PDE4A: variants seen among roughly 807,000 people sequenced by gnomAD.
The protein encoded by PDE4A is 3',5'-cyclic-AMP phosphodiesterase 4A.
Under a neutral mutation model 73.9 loss-of-function variants are expected in PDE4A, and 21 were observed. That is an observed-to-expected ratio of 0.28 (90% confidence interval 0.20 to 0.41). The LOEUF is 0.41. PDE4A is among the 10% of genes least tolerant of loss of function. The pLI is 1.00. For missense variants in PDE4A, 958 were observed against 1,211.4 expected (o/e 0.79, Z 3.10); for synonymous variants, 463 against 505.4 (o/e 0.92, Z 1.13).
Position 10,467,437 on chromosome 19 carries a change from C to A in PDE4A, c.2477C>A (p.Thr826Asn). The A allele has an allele frequency of 6.2e-7, 1 of 1,613,716 alleles. No homozygotes were observed. The highest frequency in any genetic ancestry group is 1.3e-5 in the African/African-American group (1 of 75,044). ...LQSPLLPAWR[T>N]LSVSEHAPGL... Reference sequence around the variant, plus strand: ...AGCCCCCTTCTCCCTGCTTGGAGGACCCTGTCTGTTTCAGAGCATGCCCCG... The same window carrying A: ...AGCCCCCTTCTCCCTGCTTGGAGGAACCTGTCTGTTTCAGAGCATGCCCCG... Residue 826 changes from threonine to asparagine, a missense_variant, in exon 15 of 15, where the codon ACC (threonine) becomes AAC (asparagine). By Grantham distance (65) the Thr-to-Asn change is moderately conservative (BLOSUM62 0). Transcript: ENST00000380702.
chr19:10,444,046 G>A (rs1406198819), intron 1 of PDE4A, among the ~76,000 whole-genome samples: 2 of 151,300 alleles, frequency 1.3e-5, no homozygotes, highest in Non-Finnish European at 2.9e-5. Flanking sequence ...TGTCAAGTAA[G>A]TAGTGGGATT....
intron 1 of PDE4A, among the ~76,000 whole-genome samples, chr19:10,438,183 G>A (rs956949868): frequency 1.3e-5 from 2 of 151,546 alleles, no homozygotes; most frequent in African/African-American, 4.9e-5. Flanking sequence ...CGCAATCTCG[G>A]CTCACTGCAA....
Position 10,467,994 on chromosome 19 carries a change from TC to T in PDE4A, c.*378del, listed in dbSNP as rs1441398879. Reference sequence around the variant, plus strand: ...CACTTCCAAATCCCTCCCCTCACCTTCCCCCACTGCCCCCCAAGTTCCAGGC... The same window carrying T: ...CACTTCCAAATCCCTCCCCTCACCTTCCCCACTGCCCCCCAAGTTCCAGGC... On this transcript the variant is annotated 3_prime_UTR_variant, in exon 15 of 15. Transcript: ENST00000380702. 6.3e-6 allele frequency: 1 copy of T among 159,358 alleles called. No individual in the cohort carries two copies. Among genetic ancestry groups the T allele is most frequent in the Non-Finnish European group, 1.4e-5 (1 of 73,026 alleles). 9.9% of individuals were successfully genotyped at this position (159,358 alleles called of 1,614,324 possible). A position where few individuals can be genotyped will look rare whatever the true frequency, so the allele number is the denominator to read the frequency against.
At chr19:10,423,470 C>T (rs978502117) in intron 1 of PDE4A, among the ~76,000 whole-genome samples, 5 of 152,094 alleles carry the variant, frequency 3.3e-5, no homozygotes, top group Non-Finnish European at 7.4e-5. Flanking sequence ...TAAACCTTTT[C>T]TCTTTCTCAC....
intron 1 of PDE4A, among the ~76,000 whole-genome samples, chr19:10,431,325 C>T (rs2042785663): frequency 6.6e-6 from 1 of 152,230 alleles, no homozygotes; most frequent in African/African-American, 2.4e-5. Context: ...GCTGCGGTCA[C>T]GCTTTGGAGG....
intron 1 of PDE4A, among the ~76,000 whole-genome samples, chr19:10,430,625 G>A (rs111527007): frequency 1.9e-3 from 286 of 152,074 alleles, no homozygotes; most frequent in African/African-American, 6.7e-3. Context: ...GAGCCAACGC[G>A]GGCGGCTTTG....
chr19:10,417,531 C>T, upstream of PDE4A: 1 of 1,438,398 alleles, frequency 7.0e-7, no homozygotes, highest in Non-Finnish European at 9.1e-7. Flanking sequence ...GCGAGTGGCT[C>T]ACACGTGAAG....
intron 7 of PDE4A, among the ~76,000 whole-genome samples, chr19:10,455,288 C>T (rs935507589): frequency 2.0e-5 from 3 of 152,112 alleles, no homozygotes; most frequent in South Asian, 4.1e-4. Context: ...CATGGTGAAA[C>T]CCCATCTCTA....
intron 7 of PDE4A, among the ~76,000 whole-genome samples, chr19:10,457,058 C>T (rs1326872001): frequency 2.0e-5 from 3 of 152,030 alleles, no homozygotes; most frequent in Non-Finnish European, 2.9e-5. Flanking sequence ...ATTAGCCGGG[C>T]GCGGTGGCGG....
In PDE4A at chr19:10,453,236, G is replaced by A; in HGVS notation, c.784-1593G>A. ...TCCCCAAGCCCAGCCTCTGTGTGCA[G>A]CAGCCCCAGGCGGGCTAAGTCTCCA... is the stretch of plus-strand genomic sequence containing the variant. On this transcript the variant is annotated intron_variant, in intron 6 of 14. Coordinates refer to ENST00000380702, the MANE Select transcript of PDE4A (RefSeq NM_001111307.2). This position sits in a 1 kb window ranked among gnomAD's most constrained non-coding sequence, Gnocchi z 4.6. 6.2e-7 allele frequency: 1 copy of A among 1,602,106 alleles called. No homozygotes were observed. Among genetic ancestry groups the A allele is most frequent in the Non-Finnish European group, 8.5e-7 (1 of 1,174,328 alleles).
At chr19:10,417,677 C>A, upstream of PDE4A, 1 of 1,595,066 alleles carries the variant, frequency 6.3e-7, no homozygotes, top group East Asian at 2.2e-5. Context: ...GGGAGACCCC[C>A]GAATCCGACC....
intron 1 of PDE4A, among the ~76,000 whole-genome samples, chr19:10,429,795 A>G (rs147810756): frequency 1.1e-4 from 16 of 151,982 alleles, no homozygotes; most frequent in Middle Eastern, 6.8e-3. Context: ...CCTGGGGTCT[A>G]TTGGGGCACC....
chr19:10,444,969 C>T (rs549071287), intron 1 of PDE4A, among the ~76,000 whole-genome samples: 3 of 152,134 alleles, frequency 2.0e-5, no homozygotes, highest in Non-Finnish European at 2.9e-5. Flanking sequence ...CACCTCACCC[C>T]GGCCTGTGTC....
At chr19:10,431,242 G>T (rs1254292609) in intron 1 of PDE4A, among the ~76,000 whole-genome samples, 2 of 152,228 alleles carry the variant, frequency 1.3e-5, no homozygotes, top group African/African-American at 4.8e-5. Context: ...GGTTGCCCTG[G>T]AGACCTCTGA....
chr19:10,461,839 G>C, intron 12 of PDE4A, 38 bp from the exon 13 acceptor site: 9 of 1,603,440 alleles, frequency 5.6e-6, no homozygotes, highest in Non-Finnish European at 6.8e-6. Context: ...TCTGGGGGGC[G>C]GGTGTCAGCG....
intron 1 of PDE4A, among the ~76,000 whole-genome samples, chr19:10,441,684 A>ATTTTTT (rs1308151510): frequency 4.0e-4 from 37 of 92,682 alleles, no homozygotes; most frequent in Middle Eastern, 7.4e-3. Flanking sequence ...ATTTTGAGTT[A>ATTTTTT]TTTTTTTTTT....
At chr19:10,451,482 C>T (rs2043090886) in intron 6 of PDE4A, among the ~76,000 whole-genome samples, 1 of 152,004 alleles carries the variant, frequency 6.6e-6, no homozygotes, top group Non-Finnish European at 1.5e-5. Context: ...TTATTGGCTA[C>T]GCATTTGCAG....
chr19:10,459,882 CT>C (rs375062106), intron 10 of PDE4A, 123 bp downstream of exon 10: 2,036 of 1,050,676 alleles, frequency 1.9e-3, no homozygotes, highest in Non-Finnish European at 2.1e-3. Context: ...ATTTCTCTCT[CT>C]TTTTTTTTTC....
chr19:10,428,043 C>T (rs8112675), intron 1 of PDE4A: 51,947 of 160,642 alleles, frequency 0.32, 8,888 homozygotes, highest in East Asian at 0.57. Flanking sequence ...CTGGTGGGTA[C>T]TTTGTGAGGA....
Sources: allele counts gnomAD v4.1 joint callset (sites outside exome capture counted in the v4.1 genomes callset), GRCh38; gene constraint gnomAD v4.1.1; non-coding constraint Gnocchi (gnomAD v3.1); transcripts MANE v1.5; gene names NCBI Gene and HGNC (gene_info 2026-07-23, HGNC 2026-07-21).